Variants in ZPBP observed in about 807,000 individuals in gnomAD.
ZPBP encodes zona pellucida-binding protein 1.
A neutral mutation model predicts 44.8 loss-of-function variants in ZPBP; 26 were observed. The observed-to-expected ratio is 0.58, with a 90% CI of 0.43 to 0.81. The LOEUF is 0.81. Ranked by LOEUF, ZPBP falls within the 30% of genes least tolerant of loss-of-function variation. The pLI, the probability that ZPBP is intolerant of heterozygous loss-of-function variation, is 0.00. For synonymous variants in ZPBP, 174 were observed against 153.2 expected (o/e 1.14, Z -1.00); for missense variants, 409 against 434.0 (o/e 0.94, Z 0.51).
At chr7:50,027,391 A>C (rs959747601) in intron 5 of ZPBP, among the ~76,000 whole-genome samples, 2 of 152,090 alleles carry the variant, frequency 1.3e-5, no homozygotes, top group African/African-American at 4.8e-5. Context: ...CAAAAAAATT[A>C]TAAGGGAAAT....
chr7:49,882,864 T>TTTG (rs201572339), intron 2 of ZPBP, among the ~76,000 whole-genome samples: 6,989 of 152,008 alleles, frequency 0.046, 172 homozygotes, highest in Middle Eastern at 0.061. Context: ...TTTTTTTGTT[T>TTTG]TTGTTGTTGT....
chr7:49,870,654 C>T (rs189694322), intron 2 of ZPBP, among the ~76,000 whole-genome samples: 5 of 152,208 alleles, frequency 3.3e-5, no homozygotes, highest in African/African-American at 4.8e-5. Context: ...TCAGGAAGGC[C>T]GAAAAGGGCT....
At chr7:49,878,772 T>C (rs1354376885) in intron 2 of ZPBP, among the ~76,000 whole-genome samples, 2 of 152,174 alleles carry the variant, frequency 1.3e-5, no homozygotes, top group African/African-American at 4.8e-5. Context: ...TTCACATGGG[T>C]TAGACCAGGT....
chr7:49,981,426 A>G (rs1382337324), intron 7 of ZPBP, among the ~76,000 whole-genome samples: 4 of 42,444 alleles, frequency 9.4e-5, no homozygotes, highest in Non-Finnish European at 1.5e-4. Flanking sequence ...TATATAATAT[A>G]AAATATATAT....
intron 7 of ZPBP, among the ~76,000 whole-genome samples, chr7:49,945,370 A>G (rs528892839): frequency 1.3e-5 from 2 of 152,288 alleles, no homozygotes; most frequent in East Asian, 1.9e-4. Context: ...CATTTGTTGT[A>G]TAGTAGAGAT....
intron 7 of ZPBP, among the ~76,000 whole-genome samples, chr7:49,964,702 A>G (rs1416489143): frequency 6.6e-6 from 1 of 152,136 alleles, no homozygotes; most frequent in Non-Finnish European, 1.5e-5. Context: ...ATGGAAATGC[A>G]AAGGACTTTT....
intron 7 of ZPBP, among the ~76,000 whole-genome samples, chr7:49,979,357 C>T (rs1796673182): frequency 2.6e-5 from 4 of 151,940 alleles, no homozygotes; most frequent in Admixed American, 2.6e-4. Context: ...ATATAAACTC[C>T]GTGGGCAGAG....
intron 2 of ZPBP, among the ~76,000 whole-genome samples, chr7:49,886,935 T>C (rs1791929218): frequency 6.6e-6 from 1 of 151,574 alleles, no homozygotes; most frequent in African/African-American, 2.4e-5. Context: ...TTTTTAGTTA[T>C]TTTTTTTTCT....
chr7:49,906,024 A>C (rs989111921), intron 1 of ZPBP, among the ~76,000 whole-genome samples: 1 of 152,230 alleles, frequency 6.6e-6, no homozygotes, highest in African/African-American at 2.4e-5. Flanking sequence ...CAGAAAACTC[A>C]TAAATAATTG....
At chr7:49,919,608 A>G (rs543153945) in intron 1 of ZPBP, 4 of 152,326 alleles carry the variant, frequency 2.6e-5, no homozygotes, top group Non-Finnish European at 5.9e-5. Context: ...TTAATTATAA[A>G]AATAATCTAC....
At chr7:50,062,596 C>T (rs538961190) in intron 3 of ZPBP, among the ~76,000 whole-genome samples, 54 of 152,154 alleles carry the variant, frequency 3.5e-4, no homozygotes, top group African/African-American at 1.1e-3. Context: ...ATTCAATAAA[C>T]GGTTCTGGAA....
intron 4 of ZPBP, among the ~76,000 whole-genome samples, chr7:50,042,586 A>C (rs1800149349): frequency 6.6e-6 from 1 of 152,230 alleles, no homozygotes; most frequent in African/African-American, 2.4e-5. Flanking sequence ...TAAGTGAAGG[A>C]GAAATAAAAT....
chr7:50,081,874 T>C lies in ZPBP; in HGVS notation c.234A>G (p.Gln78=). 3.1e-6 allele frequency: 5 copies of C among 1,611,322 alleles called. No individual in the cohort carries two copies. Among genetic ancestry groups the C allele is most frequent in the Non-Finnish European group, 4.2e-6 (5 of 1,178,090 alleles). ...FPVKAYVMLH[Q]KSPHVLCVTQ... ...TTACACATAACACGTGTGGACTCTT[T>C]TGATGGAGCATGACATACGCTTTCA... Residue 78 remains glutamine (Q), a synonymous_variant, in exon 3 of 8, where the codon CAA becomes CAG. Transcript: ENST00000046087.
rs1562818967 is a variant in ZPBP at position 49,981,313 on chromosome 7, A to ATG, written c.961+2028_961+2029insCA. Among the ~76,000 whole-genome samples, 59 of 62,588 alleles carry ATG rather than the reference A, an allele frequency of 9.4e-4. 3 individuals are homozygous for ATG. Among genetic ancestry groups the ATG allele is most frequent in the African/African-American group, 3.6e-3 (53 of 14,696 alleles). 41.1% of individuals were successfully genotyped at this position (62,588 alleles called of 152,430 possible). On this transcript the variant is annotated intron_variant, in intron 7 of 7. Coordinates refer to ENST00000046087, the MANE Select transcript of ZPBP (RefSeq NM_007009.3). ...TAATATATATTATATATAATTATAT[A>ATG]TTATATAATATATATTATAATTATA...
Position 50,038,488 on chromosome 7 carries a change from T to G in ZPBP, c.488-7178A>C, listed in dbSNP as rs1238754380. 2.0e-5 allele frequency among the ~76,000 whole-genome samples: 3 copies of G among 152,298 alleles called. No individual in the cohort carries two copies. In the East Asian group the frequency reaches 5.8e-4, roughly 29 times the overall value. On this transcript the variant is annotated intron_variant, in intron 4 of 7. Transcript: ENST00000046087. ...AATTTAACTGGATCAGTAGAGCAAT[T>G]TATTTCCTAGGGCACTGTTGAAAGC...
In ZPBP at chr7:50,029,676, C is replaced by T. The variant is rs1799504123; in HGVS notation, c.706+1416G>A. Among the ~76,000 whole-genome samples the T allele has an allele frequency of 1.3e-5, 2 of 152,170 alleles. 1 individual carries two copies. Among genetic ancestry groups the T allele is most frequent in the South Asian group, 4.1e-4 (2 of 4,826 alleles). ...GAGCAAAGGACTTGAATAAACATTTCTCCAAAGAAGATACACAGATAACCA... is the reference window on the plus strand; with the variant it reads ...GAGCAAAGGACTTGAATAAACATTTTTCCAAAGAAGATACACAGATAACCA... On this transcript the variant is annotated intron_variant, in intron 5 of 7. Transcript: ENST00000046087.
intron 4 of ZPBP, among the ~76,000 whole-genome samples, chr7:50,055,713 T>C (rs1199631773): frequency 1.3e-5 from 2 of 152,240 alleles, no homozygotes. Context: ...TTGCTGTTGT[T>C]GTAATAATTA....
chr7:50,034,529 T>A (rs1799743044), intron 4 of ZPBP, among the ~76,000 whole-genome samples: 1 of 152,162 alleles, frequency 6.6e-6, no homozygotes, highest in Middle Eastern at 3.2e-3. Context: ...CTGACTGCCC[T>A]CCAAACTCAA....
chr7:49,963,383 T>A (rs1034046646), intron 7 of ZPBP, among the ~76,000 whole-genome samples: 1 of 151,232 alleles, frequency 6.6e-6, no homozygotes, highest in Non-Finnish European at 1.5e-5. Context: ...CTCTTATGTA[T>A]TTACTCAAGA....
Sources: allele counts gnomAD v4.1 joint callset (sites outside exome capture counted in the v4.1 genomes callset), GRCh38; gene constraint gnomAD v4.1.1; transcripts MANE v1.5; gene names NCBI Gene and HGNC (gene_info 2026-07-23, HGNC 2026-07-21).